LAMP2: variants seen among roughly 807,000 people sequenced by gnomAD.
The protein encoded by LAMP2 is lysosome associated membrane protein 2.
In LAMP2, 4 loss-of-function variants were observed where a neutral mutation model predicts 25.6. The observed-to-expected ratio is 0.16, with a 90% CI of 0.08 to 0.36. LAMP2 has a LOEUF of 0.36. Ranked by LOEUF, LAMP2 falls within the 10% of genes least tolerant of loss-of-function variation. LAMP2 has a pLI of 1.00. For missense variants in LAMP2, 272 were observed against 301.4 expected (o/e 0.90, Z 0.72); for synonymous variants, 108 against 112.7 (o/e 0.96, Z 0.27).
In LAMP2 at chrX:120,465,805, A is replaced by G. The variant is rs149084204; in HGVS notation, c.64+3301T>C. Among the ~76,000 whole-genome samples, 464 of 112,293 alleles carry G rather than the reference A, an allele frequency of 4.1e-3. 1 individual carries two copies. The highest frequency in any genetic ancestry group is 0.01 in the African/African-American group (314 of 30,974). On this transcript the variant is annotated intron_variant, in intron 1 of 8. Transcript: ENST00000200639. ...TTTACAAATATTTATTGATTTAGCT[A>G]CATATTAGGTACTTTACAAATATTT...
chrX:120,437,808 A>T, intron 8 of LAMP2: 1 of 751,334 alleles, frequency 1.3e-6, no homozygotes, highest in Non-Finnish European at 1.6e-6. Context: ...GGATTAAGAT[A>T]AAACCAAGAC....
In LAMP2 at chrX:120,439,085, A is replaced by G. The variant is rs1411950552; in HGVS notation, c.1093+2645T>C. 8 of 1,200,783 alleles carry G rather than the reference A, an allele frequency of 6.7e-6. No homozygotes were observed. In the African/African-American group the frequency reaches 1.4e-4, roughly 21 times the overall value. On this transcript the variant is annotated intron_variant, in intron 8 of 8. Transcript: ENST00000200639. ...CTGCAACTAAATATACCTTAAGTTG[A>G]CCAGTATTGCATGTTGGAACTTGTA... is the stretch of plus-strand genomic sequence containing the variant.
rs8160 is a variant in LAMP2 at position 120,431,026 on chromosome X, T to G, written c.*297A>C. ...CCATGTTAATAAGTTCAAGGCATAC[T>G]TCAAGGTTAGGATCAAAATTTGGCC... On this transcript the variant is annotated 3_prime_UTR_variant, in exon 9 of 9. Transcript: ENST00000200639. 17,480 of 910,480 alleles carry G rather than the reference T, an allele frequency of 0.019. 1,828 individuals are homozygous for G. In the African/African-American group the frequency reaches 0.31, roughly 16 times the overall value. The allele number at this position is 910,480 out of a possible 1,213,427, so 75.0% of individuals were successfully genotyped here. A position where few individuals can be genotyped will look rare whatever the true frequency, so the allele number is the denominator to read the frequency against.
At chrX:120,464,190 T>A (rs1921444451) in intron 1 of LAMP2, among the ~76,000 whole-genome samples, 1 of 111,522 alleles carries the variant, frequency 9.0e-6, no homozygotes, top group East Asian at 2.8e-4. Context: ...GAAACTAGCA[T>A]TATTATATGG....
At chrX:120,456,901 C>CACATACATATATATACATATATGTGT (rs1921118916) in intron 1 of LAMP2, 132 bp from the exon 2 acceptor site, 1 of 395,925 alleles carries the variant, frequency 2.5e-6, no homozygotes, top group East Asian at 4.4e-5. Context: ...TCTATATATA[C>CACATACATATATATACATATATGTGT]ACATACATAT....
intron 1 of LAMP2, among the ~76,000 whole-genome samples, chrX:120,462,908 T>C (rs1921379261): frequency 8.9e-6 from 1 of 112,114 alleles, no homozygotes; most frequent in Admixed American, 9.5e-5. Flanking sequence ...CCTTCAGAGC[T>C]AAAAGAAATT....
intron 8 of LAMP2, among the ~76,000 whole-genome samples, chrX:120,434,623 A>G (rs1356614240): frequency 1.8e-5 from 2 of 112,072 alleles, no homozygotes; most frequent in Non-Finnish European, 3.8e-5. Context: ...GTATTTGCAG[A>G]AGAATTTAAT....
chrX:120,457,972 C>T (rs747557603), intron 1 of LAMP2, among the ~76,000 whole-genome samples: 1 of 112,402 alleles, frequency 8.9e-6, no homozygotes, highest in South Asian at 3.7e-4. Context: ...GGAGACCTGG[C>T]TGCTTTGCAA....
intron 2 of LAMP2, among the ~76,000 whole-genome samples, chrX:120,456,034 C>T (rs748403689): frequency 1.0e-4 from 8 of 78,098 alleles, no homozygotes; most frequent in African/African-American, 3.7e-4. Flanking sequence ...CCTAAGTAAG[C>T]GATTTTTTTT....
chrX:120,452,673 C>T (rs1034696767), intron 3 of LAMP2, among the ~76,000 whole-genome samples: 8 of 108,456 alleles, frequency 7.4e-5, no homozygotes, highest in Non-Finnish European at 1.3e-4. Flanking sequence ...CCCTAGCCAC[C>T]CAGGTAGCTG....
chrX:120,444,438 C>T (rs2058587601), intron 6 of LAMP2, among the ~76,000 whole-genome samples: 1 of 111,421 alleles, frequency 9.0e-6, no homozygotes, highest in South Asian at 3.8e-4. Context: ...GCCCTTTATC[C>T]AGGGATAACC....
chrX:120,466,270 C>CA (rs1322014684), intron 1 of LAMP2, among the ~76,000 whole-genome samples: 1 of 110,780 alleles, frequency 9.0e-6, no homozygotes, highest in Non-Finnish European at 1.9e-5. Context: ...CATTAAAAAA[C>CA]AAAAAAAAAT....
At chrX:120,444,567 T>C (rs748346261) in intron 6 of LAMP2, among the ~76,000 whole-genome samples, 30 of 111,251 alleles carry the variant, frequency 2.7e-4, no homozygotes, top group Non-Finnish European at 4.5e-4. Flanking sequence ...CCAGCCGGAA[T>C]TAACCTCTCC....
Position 120,427,457 on chromosome X carries a change from T to G in LAMP2, c.*3866A>C, listed in dbSNP as rs1294359976. On this transcript the variant is annotated 3_prime_UTR_variant, in exon 9 of 9. Coordinates refer to ENST00000200639, the MANE Select transcript of LAMP2 (RefSeq NM_002294.3). ...ATAAGTCTATATCAAGATCAACAAATGTACAGAATAATCTTAGTCCAGCTT... is the reference window on the plus strand; with the variant it reads ...ATAAGTCTATATCAAGATCAACAAAGGTACAGAATAATCTTAGTCCAGCTT... Among the ~76,000 whole-genome samples, 1 of 111,483 alleles carries G rather than the reference T, an allele frequency of 9.0e-6. No homozygotes were observed. Among genetic ancestry groups the G allele is most frequent in the Admixed American group, 9.6e-5 (1 of 10,405 alleles).
intron 8 of LAMP2, among the ~76,000 whole-genome samples, chrX:120,433,134 G>C (rs2058529647): frequency 9.0e-6 from 1 of 111,233 alleles, no homozygotes; most frequent in African/African-American, 3.3e-5. Context: ...AATGGCGCCA[G>C]AGAAGCTAAG....
Position 120,429,138 on chromosome X carries a change from G to A in LAMP2, c.*2185C>T, listed in dbSNP as rs2058511820. ...TATATGTGTATATATATGTGTGTGT[G>A]TATATATATGTGTGTGTGTGTACAT... On this transcript the variant is annotated 3_prime_UTR_variant, in exon 9 of 9. Transcript: ENST00000200639. 6 of 656,911 alleles carry A rather than the reference G, an allele frequency of 9.1e-6. No homozygotes were observed. The highest frequency in any genetic ancestry group is 1.1e-5 in the Non-Finnish European group (6 of 557,245). The allele number at this position is 656,911 out of a possible 1,213,427, so 54.1% of individuals were successfully genotyped here.
chrX:120,439,281 G>A lies in LAMP2; in HGVS notation c.1093+2449C>T, dbSNP rs765143363. ...GATTAGAATGGTGTCATCATCCAGC[G>A]AACACTCTTGGGCTGTAGGTGAGAA... On this transcript the variant is annotated intron_variant, in intron 8 of 8. Coordinates refer to ENST00000200639, the MANE Select transcript of LAMP2 (RefSeq NM_002294.3). 9 of 1,205,274 alleles carry A rather than the reference G, an allele frequency of 7.5e-6. No individual in the cohort carries two copies. The highest frequency in any genetic ancestry group is 3.5e-5 in the African/African-American group (2 of 57,013).
chrX:120,438,509 A>G, intron 8 of LAMP2: 1 of 743,424 alleles, frequency 1.3e-6, no homozygotes, highest in Non-Finnish European at 1.6e-6. Flanking sequence ...TCTAAATTTT[A>G]AAAAGCTTTT....
chrX:120,428,291 G>GA lies in LAMP2; in HGVS notation c.*3031dup, dbSNP rs113549733. ...TTTTAATTATACTTTAACAAAGGAAGAAAAAAAACAGAAAAAAATTGGTCC... is the reference window on the plus strand; with the variant it reads ...TTTTAATTATACTTTAACAAAGGAAGAAAAAAAAACAGAAAAAAATTGGTCC... On this transcript the variant is annotated 3_prime_UTR_variant, in exon 9 of 9. Coordinates refer to ENST00000200639, the MANE Select transcript of LAMP2 (RefSeq NM_002294.3). The GA allele has an allele frequency of 0.031, 13,181 of 422,692 alleles. 1,378 individuals carry two copies. Among genetic ancestry groups the GA allele is most frequent in the African/African-American group, 0.3 (11,395 of 37,518 alleles). The allele number at this position is 422,692 out of a possible 1,213,427, so 34.8% of individuals were successfully genotyped here.
Sources: allele counts gnomAD v4.1 joint callset (sites outside exome capture counted in the v4.1 genomes callset), GRCh38; gene constraint gnomAD v4.1.1; transcripts MANE v1.5; gene names NCBI Gene and HGNC (gene_info 2026-07-23, HGNC 2026-07-21).